Variants in NREP observed in about 807,000 individuals in gnomAD.
NREP encodes the protein neuronal regeneration related protein.
NREP carries 5 observed loss-of-function variants against 8.6 expected under a neutral mutation model. The ratio of observed to expected loss-of-function variants is 0.58; its 90% CI spans 0.30 to 1.22. The LOEUF is 1.22. NREP is among the 50% of genes most tolerant of loss of function. The pLI is 0.07. For synonymous variants in NREP, 27 were observed against 28.0 expected (o/e 0.96, Z 0.11); for missense variants, 86 against 82.5 (o/e 1.04, Z -0.17).
intron 2 of NREP, among the ~76,000 whole-genome samples, chr5:111,954,013 G>T (rs1362635767): frequency 6.6e-6 from 1 of 152,112 alleles, no homozygotes; most frequent in Non-Finnish European, 1.5e-5. Context: ...CTAAGGAATT[G>T]TAACTTTATG....
chr5:111,764,547 G>C (rs142919191), intron 2 of NREP, among the ~76,000 whole-genome samples: 3 of 152,194 alleles, frequency 2.0e-5, no homozygotes, highest in Admixed American at 6.5e-5. Flanking sequence ...ACTATCACGA[G>C]AGCAGCATGG....
rs536736063 is a variant in NREP at position 111,923,935 on chromosome 5, G to T, written c.135+51339C>A. On this transcript the variant is annotated intron_variant, in intron 2 of 3. Coordinates refer to the NREP transcript ENST00000395634. The stretch of plus-strand genomic sequence containing the variant: ...TTCTGGATCCCAAATCAAGGAATGG[G>T]TCTTGGCTGCCTGAGTTTCCTTTAT... Among the ~76,000 whole-genome samples the T allele has an allele frequency of 1.7e-4, 26 of 152,286 alleles. No homozygotes were observed. In the South Asian group the frequency reaches 3.7e-3, roughly 22 times the overall value.
intron 3 of NREP, chr5:111,732,090 T>C (rs983660474): frequency 6.6e-6 from 1 of 150,740 alleles, no homozygotes; most frequent in Non-Finnish European, 1.5e-5. Flanking sequence ...CATGTGGGCT[T>C]TTTTTTTTGT....
intron 2 of NREP, among the ~76,000 whole-genome samples, chr5:111,750,315 C>T (rs1750278754): frequency 6.6e-6 from 1 of 152,152 alleles, no homozygotes; most frequent in East Asian, 1.9e-4. Flanking sequence ...GTCCTAAGTC[C>T]TAGAAATAAA....
At position 111,730,696 on chromosome 5, in the gene NREP, C is replaced by G. The variant is rs976361730; in HGVS notation, c.*225G>C. On this transcript the variant is annotated 3_prime_UTR_variant, in exon 4 of 4. Coordinates refer to ENST00000257435, the MANE Select transcript of NREP (RefSeq NM_004772.4). ...AAGGCCCACCTGTAAGGGTTGTAAA[C>G]GTGGATTCACAGTGTGAAATTCTGA... is the stretch of plus-strand genomic sequence containing the variant. 2.1e-6 allele frequency: 1 copy of G among 480,758 alleles called. No homozygotes were observed. Among genetic ancestry groups the G allele is most frequent in the African/African-American group, 2.0e-5 (1 of 51,176 alleles). The allele number at this position is 480,758 out of a possible 1,614,324, so 29.8% of individuals were successfully genotyped here.
intron 2 of NREP, among the ~76,000 whole-genome samples, chr5:111,912,266 G>A (rs55996029): frequency 0.051 from 7,816 of 151,832 alleles, 266 homozygotes; most frequent in Non-Finnish European, 0.075. Flanking sequence ...TGTGGCTTCC[G>A]TAAGTGACTA....
intron 2 of NREP, among the ~76,000 whole-genome samples, chr5:111,926,752 T>C (rs2112590237): frequency 6.6e-6 from 1 of 152,038 alleles, no homozygotes; most frequent in Middle Eastern, 3.4e-3. Flanking sequence ...TCCCTCCTTT[T>C]GGAGTAACCC....
At chr5:111,742,507 T>G (rs1381120021) in intron 2 of NREP, among the ~76,000 whole-genome samples, 1 of 152,110 alleles carries the variant, frequency 6.6e-6, no homozygotes, top group Non-Finnish European at 1.5e-5. Context: ...AATGTAATAT[T>G]CTGCTTGTTT....
intron 2 of NREP, among the ~76,000 whole-genome samples, chr5:111,926,913 G>A (rs1211030242): frequency 1.3e-5 from 2 of 151,232 alleles, no homozygotes; most frequent in Admixed American, 6.6e-5. Flanking sequence ...CCATGGACCC[G>A]GAGGAGTGGG....
At chr5:111,975,435 C>T in intron 1 of NREP, 1 of 1,174,822 alleles carries the variant, frequency 8.5e-7, no homozygotes. Flanking sequence ...AGTGCCACAA[C>T]TCACAGCTCC....
intron 2 of NREP, among the ~76,000 whole-genome samples, chr5:111,776,378 A>C (rs1751357841): frequency 6.6e-6 from 1 of 152,200 alleles, no homozygotes. Flanking sequence ...AGAATGATCA[A>C]AATTGGAACA....
intron 2 of NREP, among the ~76,000 whole-genome samples, chr5:111,919,846 A>G (rs962808161): frequency 6.8e-6 from 1 of 147,736 alleles, no homozygotes; most frequent in Non-Finnish European, 1.5e-5. Context: ...CATTCTGCAC[A>G]TGTATCCCAG....
chr5:111,892,314 G>T (rs1581197277), intron 2 of NREP, among the ~76,000 whole-genome samples: 2 of 152,144 alleles, frequency 1.3e-5, no homozygotes, highest in Non-Finnish European at 1.5e-5. Context: ...CTCTGCTCAT[G>T]GTATCTGGGG....
chr5:111,933,942 GT>G (rs1342944172), intron 2 of NREP, among the ~76,000 whole-genome samples: 1 of 152,124 alleles, frequency 6.6e-6, no homozygotes, highest in Non-Finnish European at 1.5e-5. Context: ...AAAGAGCGAG[GT>G]TTGGTATAAA....
At chr5:111,929,408 G>T (rs977406356) in intron 2 of NREP, among the ~76,000 whole-genome samples, 2 of 152,220 alleles carry the variant, frequency 1.3e-5, no homozygotes, top group Non-Finnish European at 2.9e-5. Flanking sequence ...ACCTACCATG[G>T]TAGGAAGCCT....
chr5:111,821,711 TC>T (rs1246304808), intron 2 of NREP, among the ~76,000 whole-genome samples: 1 of 152,190 alleles, frequency 6.6e-6, no homozygotes, highest in Non-Finnish European at 1.5e-5. Context: ...GAGTTTCATG[TC>T]CTTTCTTTCT....
chr5:111,936,681 T>C (rs1177736890), intron 2 of NREP, among the ~76,000 whole-genome samples: 1 of 152,096 alleles, frequency 6.6e-6, no homozygotes, highest in African/African-American at 2.4e-5. Flanking sequence ...TCCCACACAG[T>C]TGTCCCAAAT....
chr5:111,732,416 AT>A (rs1368887911), intron 3 of NREP: 2 of 152,042 alleles, frequency 1.3e-5, no homozygotes, highest in Non-Finnish European at 1.5e-5. Flanking sequence ...AGCATACAGC[AT>A]TTTTTGCACA....
Position 111,906,655 on chromosome 5 carries a change from G to A in NREP, c.135+68619C>T, listed in dbSNP as rs183203099. ...CTACGGGGCTCCCTAAGCTTTTTCCGGGTGCCTTTAGCATATATACAATAC... is the reference window on the plus strand; with the variant it reads ...CTACGGGGCTCCCTAAGCTTTTTCCAGGTGCCTTTAGCATATATACAATAC... On this transcript the variant is annotated intron_variant, in intron 2 of 3. Coordinates refer to the NREP transcript ENST00000395634. 3.1e-3 allele frequency among the ~76,000 whole-genome samples: 469 copies of A among 152,064 alleles called. 2 individuals carry two copies. The highest frequency in any genetic ancestry group is 0.014 in the Middle Eastern group (4 of 294).
Sources: allele counts gnomAD v4.1 joint callset (sites outside exome capture counted in the v4.1 genomes callset), GRCh38; gene constraint gnomAD v4.1.1; transcripts MANE v1.5; gene names NCBI Gene and HGNC (gene_info 2026-07-23, HGNC 2026-07-21).